The following TTLL5 variants were observed in gnomAD, a reference collection of about 807,000 sequenced individuals.
TTLL5 encodes the protein tubulin polyglutamylase TTLL5.
Under a neutral mutation model 168.4 loss-of-function variants are expected in TTLL5, and 132 were observed. The observed-to-expected ratio is 0.78, with a 90% CI of 0.68 to 0.91. The LOEUF is 0.91. TTLL5 is among the 40% of genes least tolerant of loss of function. The probability of loss-of-function intolerance (pLI) is 0.00; values close to 1 mark genes in which losing one functional copy is unlikely to be tolerated. For missense variants in TTLL5, 1,545 were observed against 1,581.5 expected, an observed-to-expected ratio of 0.98 and a Z score of 0.39; for synonymous variants, 546 against 558.6, an observed-to-expected ratio of 0.98 and a Z score of 0.32.
At chr14:75,768,491 A>AT (rs547399139) in intron 20 of TTLL5, among the ~76,000 whole-genome samples, 183 of 146,568 alleles carry the variant, frequency 1.2e-3, no homozygotes, top group Middle Eastern at 7.1e-3. Context: ...AAAGAAACGG[A>AT]TTTTTTTTTT....
At position 75,745,513 on chromosome 14, in the gene TTLL5, G is replaced by A. The variant is rs1468013772; in HGVS notation, c.1419G>A (p.Lys473=). 8.1e-6 allele frequency: 13 copies of A among 1,613,816 alleles called. No individual in the cohort carries two copies. The highest frequency in any genetic ancestry group is 9.3e-6 in the Non-Finnish European group (11 of 1,179,980). ...AGATCAAAGTTTTACGAAGGGTGAAGGAGGAGAATGATCGGCGAGGTGGAT... is the reference window on the plus strand; with the variant it reads ...AGATCAAAGTTTTACGAAGGGTGAAAGAGGAGAATGATCGGCGAGGTGGAT... ...MEEIKVLRRV[K]EENDRRGGFI... is the part of the protein sequence containing the mutation. The change falls in exon 17 of 32, where the codon AAG becomes AAA. Residue 473 remains lysine (K), a synonymous_variant. Transcript: ENST00000298832.
At chr14:75,685,238 C>T (rs1206675230) in intron 5 of TTLL5, among the ~76,000 whole-genome samples, 1 of 151,822 alleles carries the variant, frequency 6.6e-6, no homozygotes, top group Non-Finnish European at 1.5e-5. Context: ...AAAAATTTAG[C>T]TGGGCATGGT....
At chr14:75,849,226 T>C (rs1896716596) in intron 28 of TTLL5, among the ~76,000 whole-genome samples, 1 of 152,250 alleles carries the variant, frequency 6.6e-6, no homozygotes, top group South Asian at 2.1e-4. Flanking sequence ...TCTGTATCTC[T>C]GCTTATTGAG....
chr14:75,927,577 T>C (rs1282735118), intron 31 of TTLL5, among the ~76,000 whole-genome samples: 1 of 152,216 alleles, frequency 6.6e-6, no homozygotes. Flanking sequence ...GTGTGTCCTG[T>C]TCATTCGTCC....
At chr14:75,781,458 C>G (rs1050821458) in intron 24 of TTLL5, among the ~76,000 whole-genome samples, 2 of 152,138 alleles carry the variant, frequency 1.3e-5, no homozygotes, top group Non-Finnish European at 2.9e-5. Context: ...TTCTTTCACT[C>G]TGAAAGATGA....
At chr14:75,816,822 G>C (rs905807555) in intron 27 of TTLL5, among the ~76,000 whole-genome samples, 1 of 152,076 alleles carries the variant, frequency 6.6e-6, no homozygotes, top group African/African-American at 2.4e-5. Flanking sequence ...TGTGGGGCAG[G>C]AGTGAGTTCA....
intron 17 of TTLL5, among the ~76,000 whole-genome samples, chr14:75,752,355 G>T (rs1028568084): frequency 6.6e-6 from 1 of 152,178 alleles, no homozygotes; most frequent in South Asian, 2.1e-4. Flanking sequence ...TTGGGCAACT[G>T]TGTGGAGAAA....
intron 27 of TTLL5, among the ~76,000 whole-genome samples, chr14:75,814,196 G>C (rs925713289): frequency 1.2e-4 from 18 of 152,122 alleles, no homozygotes; most frequent in Admixed American, 1.1e-3. Context: ...TTCTGTTAAG[G>C]GACAGTTAAC....
chr14:75,954,801 A>G lies in TTLL5; in HGVS notation c.*355A>G. 1 of 255,610 alleles carries G rather than the reference A, an allele frequency of 3.9e-6. No homozygotes were observed. Among genetic ancestry groups the G allele is most frequent in the Non-Finnish European group, 7.4e-6 (1 of 134,834 alleles). 15.8% of individuals were successfully genotyped at this position (255,610 alleles called of 1,614,324 possible). A position where few individuals can be genotyped will look rare whatever the true frequency, so the allele number is the denominator to read the frequency against. ...CCTTTACTGCTGCTGCACAGAGATGATATAAAAGAGGCTCTTTGGCTATTT... is the reference window on the plus strand; with the variant it reads ...CCTTTACTGCTGCTGCACAGAGATGGTATAAAAGAGGCTCTTTGGCTATTT... On this transcript the variant is annotated 3_prime_UTR_variant, in exon 32 of 32. Transcript: ENST00000298832.
chr14:75,941,415 T>C (rs1479785642), intron 31 of TTLL5: 3 of 152,210 alleles, frequency 2.0e-5, no homozygotes, highest in Non-Finnish European at 4.4e-5. Flanking sequence ...TCCTTTCTTA[T>C]CAAACCAGAA....
chr14:75,794,267 A>G (rs1457906288), intron 27 of TTLL5, among the ~76,000 whole-genome samples: 1 of 152,156 alleles, frequency 6.6e-6, no homozygotes, highest in African/African-American at 2.4e-5. Context: ...AATTATGGGA[A>G]GAGGGAATAG....
intron 4 of TTLL5, 94 bp from the exon 5 acceptor site, chr14:75,683,456 A>G (rs901349112): frequency 8.6e-6 from 9 of 1,050,514 alleles, no homozygotes; most frequent in African/African-American, 1.6e-5. Context: ...ACTGTGGATG[A>G]AAAAATCACT....
rs78695307 is a variant in TTLL5 at position 75,671,850 on chromosome 14, A to G, written c.181+2328A>G. Among the ~76,000 whole-genome samples, 1,403 of 152,284 alleles carry G rather than the reference A, an allele frequency of 9.2e-3. 17 individuals carry two copies. Among genetic ancestry groups the G allele is most frequent in the African/African-American group, 0.031 (1,303 of 41,562 alleles). On this transcript the variant is annotated intron_variant, in intron 3 of 31. Transcript: ENST00000298832. ...AGAGAATTTTAGTTCTTTCTCTCCAACGTGGATGCCTTTTATTTCTTTTTC... is the reference window on the plus strand; with the variant it reads ...AGAGAATTTTAGTTCTTTCTCTCCAGCGTGGATGCCTTTTATTTCTTTTTC...
At chr14:75,869,535 A>G (rs561707174) in intron 29 of TTLL5, among the ~76,000 whole-genome samples, 7 of 152,310 alleles carry the variant, frequency 4.6e-5, no homozygotes, top group East Asian at 3.9e-4. Context: ...TCAAGCACCA[A>G]AGTGGCCATT....
intron 17 of TTLL5, among the ~76,000 whole-genome samples, chr14:75,748,007 A>G (rs1889715570): frequency 6.6e-6 from 1 of 152,168 alleles, no homozygotes; most frequent in South Asian, 2.1e-4. Context: ...CTTTTCAGAG[A>G]CAGTTGGGCT....
chr14:75,739,675 A>G (rs766789974), intron 15 of TTLL5, among the ~76,000 whole-genome samples: 3 of 152,208 alleles, frequency 2.0e-5, no homozygotes, highest in Non-Finnish European at 2.9e-5. Context: ...AAAACTAGCA[A>G]TTAGACCTTT....
At chr14:75,768,338 C>T (rs1214773797) in intron 20 of TTLL5, among the ~76,000 whole-genome samples, 1 of 152,148 alleles carries the variant, frequency 6.6e-6, no homozygotes, top group Non-Finnish European at 1.5e-5. Context: ...TGAAAAGAGA[C>T]TTCTGGATTT....
chr14:75,875,297 A>G (rs2031394041), intron 29 of TTLL5, among the ~76,000 whole-genome samples: 1 of 149,478 alleles, frequency 6.7e-6, no homozygotes, highest in Non-Finnish European at 1.5e-5. Context: ...TAATCCCAGC[A>G]TTTTGGGAGG....
chr14:75,873,071 G>T (rs2031174454), intron 29 of TTLL5, among the ~76,000 whole-genome samples: 1 of 115,582 alleles, frequency 8.7e-6, no homozygotes, highest in Non-Finnish European at 1.7e-5. Flanking sequence ...CAGATCTCCA[G>T]AACTTTTTTT....
Sources: gnomAD v4.1 joint callset for allele counts (sites outside exome capture counted in the v4.1 genomes callset) on GRCh38, gnomAD v4.1.1 for gene constraint, MANE v1.5 for transcripts, NCBI Gene and HGNC (gene_info 2026-07-23, HGNC 2026-07-21) for gene names.